The following SEC24D variants were observed in gnomAD, a reference collection of about 807,000 sequenced individuals.
SEC24D encodes the protein SEC24 homolog D, COPII component, also known as protein transport protein Sec24D.
Under a neutral mutation model 116.9 loss-of-function variants are expected in SEC24D, and 69 were observed. The observed-to-expected ratio is 0.59, with a 90% CI of 0.49 to 0.72. The LOEUF (loss-of-function observed/expected upper bound fraction) is 0.72. Among genes scored for constraint, SEC24D ranks in the 30% least tolerant of loss-of-function variants. The pLI, the probability that SEC24D is intolerant of heterozygous loss-of-function variation, is 0.00. For synonymous variants in SEC24D, 405 were observed against 442.8 expected (o/e 0.91, Z 1.07); for missense variants, 1,131 against 1,264.1 (o/e 0.89, Z 1.60).
chr4:118,729,937 G>A (rs536255209), intron 21 of SEC24D: 2 of 152,294 alleles, frequency 1.3e-5, no homozygotes, highest in South Asian at 2.1e-4. Flanking sequence ...AACAAACAAC[G>A]TAAGTATTCT....
intron 15 of SEC24D, among the ~76,000 whole-genome samples, chr4:118,742,373 T>TGG (rs3842005): frequency 0.27 from 40,610 of 148,336 alleles, 6,795 homozygotes; most frequent in Non-Finnish European, 0.38. Flanking sequence ...TTTGGAAAAG[T>TGG]GGGGGGGGGA....
At chr4:118,821,159 T>C (rs555593105) in intron 3 of SEC24D, among the ~76,000 whole-genome samples, 2 of 152,318 alleles carry the variant, frequency 1.3e-5, no homozygotes, top group East Asian at 3.9e-4. Context: ...CCTAGCATCG[T>C]TCTCCACACT....
rs992552856 is a variant in SEC24D, at chr4:118,724,277, C to A, written c.2959-622G>T. ...TGGAGAGATGCTAGAGAGGTTAACA[C>A]ACAGGGAAAACAGGGAGAACTCCTG... On this transcript the variant is annotated intron_variant, in intron 22 of 22. Coordinates refer to ENST00000280551, the MANE Select transcript of SEC24D (RefSeq NM_014822.4). Among the ~76,000 whole-genome samples the A allele has an allele frequency of 2.6e-5, 4 of 152,164 alleles. No homozygotes were observed. In the East Asian group the frequency reaches 7.7e-4, roughly 29 times the overall value.
At position 118,821,183 on chromosome 4, in the gene SEC24D, G is replaced by T. The variant is rs114786515; in HGVS notation, c.248+3437C>A. Reference sequence around the variant, plus strand: ...GTTCTCCACACTAAATAAAATTGAAGAAAAAACAACTACTTCTCTTATTTT... The same window carrying T: ...GTTCTCCACACTAAATAAAATTGAATAAAAAACAACTACTTCTCTTATTTT... On this transcript the variant is annotated intron_variant, in intron 3 of 22. Coordinates refer to ENST00000280551, the MANE Select transcript of SEC24D (RefSeq NM_014822.4). Among the ~76,000 whole-genome samples the T allele has an allele frequency of 5.0e-3, 760 of 152,162 alleles. 6 individuals are homozygous for T. Among genetic ancestry groups the T allele is most frequent in the African/African-American group, 0.018 (731 of 41,538 alleles).
At chr4:118,748,090 C>T (rs1478791862) in intron 13 of SEC24D, among the ~76,000 whole-genome samples, 1 of 151,958 alleles carries the variant, frequency 6.6e-6, no homozygotes, top group African/African-American at 2.4e-5. Context: ...ACGGTGAAAC[C>T]CCATCTCTAC....
chr4:118,820,713 T>G (rs1469318516), intron 3 of SEC24D, among the ~76,000 whole-genome samples: 3 of 152,132 alleles, frequency 2.0e-5, no homozygotes, highest in African/African-American at 7.2e-5. Context: ...CATATAGAGT[T>G]AAATAAATGT....
At chr4:118,828,498 T>C (rs2110540374) in intron 2 of SEC24D, among the ~76,000 whole-genome samples, 1 of 152,262 alleles carries the variant, frequency 6.6e-6, no homozygotes, top group African/African-American at 2.4e-5. Context: ...CTGGCAATGT[T>C]TGGGACATTT....
intron 2 of SEC24D, among the ~76,000 whole-genome samples, chr4:118,824,997 A>G (rs1730540971): frequency 6.6e-6 from 1 of 152,224 alleles, no homozygotes; most frequent in South Asian, 2.1e-4. Flanking sequence ...AGAAACTAAA[A>G]CAGAAAAAAA....
At position 118,805,971 on chromosome 4, in the gene SEC24D, C is replaced by A. The variant is rs1433103025; in HGVS notation, c.802-17G>T. 1 of 1,531,126 alleles carries A rather than the reference C, an allele frequency of 6.5e-7. No individual in the cohort carries two copies. The highest frequency in any genetic ancestry group is 1.2e-5 in the South Asian group (1 of 85,066). 94.8% of individuals were successfully genotyped at this position (1,531,126 alleles called of 1,614,324 possible). Reference sequence around the variant, plus strand: ...CACCTGGATCTGATAAATAAGACATCAAGAGCCCGTTAAAGTAGGTTCCAG... The same window carrying A: ...CACCTGGATCTGATAAATAAGACATAAAGAGCCCGTTAAAGTAGGTTCCAG... On this transcript the variant is annotated splice_polypyrimidine_tract_variant and intron_variant, in intron 6 of 22. Coordinates refer to ENST00000280551, the MANE Select transcript of SEC24D (RefSeq NM_014822.4).
At chr4:118,743,262 G>A (rs535793899) in intron 15 of SEC24D, among the ~76,000 whole-genome samples, 3 of 151,924 alleles carry the variant, frequency 2.0e-5, no homozygotes, top group Admixed American at 2.0e-4. Context: ...ATTGATATTT[G>A]ACTCTGAGGA....
rs186444765 is a variant in SEC24D, at chr4:118,809,949, T to G, written c.802-3995A>C. ...TGCATACATCTAGGGGAAGAGCATC[T>G]AAGCAGAATAAAGGCAAAGGCCTTG... On this transcript the variant is annotated intron_variant, in intron 6 of 22. Coordinates refer to ENST00000280551, the MANE Select transcript of SEC24D (RefSeq NM_014822.4). Among the ~76,000 whole-genome samples, 185 of 152,240 alleles carry G rather than the reference T, an allele frequency of 1.2e-3. 1 individual carries two copies. The highest frequency in any genetic ancestry group is 4.2e-3 in the African/African-American group (176 of 41,558).
intron 13 of SEC24D, among the ~76,000 whole-genome samples, chr4:118,745,904 A>G (rs902049000): frequency 6.6e-6 from 1 of 152,078 alleles, no homozygotes; most frequent in Admixed American, 6.6e-5. Context: ...AGCTGAGCAC[A>G]GTAGCTCACG....
chr4:118,831,534 C>T (rs548760082), intron 2 of SEC24D, among the ~76,000 whole-genome samples: 7 of 152,168 alleles, frequency 4.6e-5, no homozygotes, highest in African/African-American at 1.7e-4. Context: ...ACCCACGGCC[C>T]ACACGCAGCC....
chr4:118,789,694 C>G (rs1728809804), intron 8 of SEC24D, among the ~76,000 whole-genome samples: 1 of 152,214 alleles, frequency 6.6e-6, no homozygotes, highest in African/African-American at 2.4e-5. Context: ...AAGTGATTCT[C>G]CTGCCTCAGC....
In SEC24D at chr4:118,815,174, A is replaced by G. The variant is rs781007849; in HGVS notation, c.674-19T>C. ...GAGTTGGCTGCTTGGAAAAAATTTA[A>G]AGAGAAATGACTATCATCCCAAATC... On this transcript the variant is annotated intron_variant, in intron 5 of 22. Transcript: ENST00000280551. 7 of 1,613,196 alleles carry G rather than the reference A, an allele frequency of 4.3e-6. No individual in the cohort carries two copies. The highest frequency in any genetic ancestry group is 5.9e-6 in the Non-Finnish European group (7 of 1,179,854).
intron 7 of SEC24D, among the ~76,000 whole-genome samples, chr4:118,799,123 C>G (rs965169875): frequency 6.6e-6 from 1 of 152,120 alleles, no homozygotes; most frequent in Non-Finnish European, 1.5e-5. Flanking sequence ...TGCTGCAGTA[C>G]CAGCCTGACA....
In SEC24D at chr4:118,759,985, CTT is replaced by C. The variant is rs771804864; in HGVS notation, c.1297-2142_1297-2141del. On this transcript the variant is annotated intron_variant, in intron 10 of 22. Transcript: ENST00000280551. ...CTATACTGGTCTTTCCTACAAGAAA[CTT>C]ATAAAAAAACACGATAAGCTAAAAT... Among the ~76,000 whole-genome samples, 4 of 152,246 alleles carry C rather than the reference CTT, an allele frequency of 2.6e-5. No homozygotes were observed. The East Asian group carries it at 5.8e-4, about 22-fold the overall frequency.
intron 22 of SEC24D, among the ~76,000 whole-genome samples, chr4:118,724,360 C>G (rs889095728): frequency 1.3e-5 from 2 of 151,994 alleles, no homozygotes; most frequent in Admixed American, 1.3e-4. Context: ...GCCAGACACA[C>G]ATACTATTGA....
chr4:118,772,367 CTT>C (rs2110477398), intron 8 of SEC24D, among the ~76,000 whole-genome samples: 1 of 152,288 alleles, frequency 6.6e-6, no homozygotes, highest in East Asian at 1.9e-4. Context: ...ACTCTAATAA[CTT>C]TTAACTGAAC....
Sources: allele counts gnomAD v4.1 joint callset (sites outside exome capture counted in the v4.1 genomes callset), GRCh38; gene constraint gnomAD v4.1.1; transcripts MANE v1.5; gene names NCBI Gene and HGNC (gene_info 2026-07-23, HGNC 2026-07-21).